The following XXYLT1 variants were observed in gnomAD, a reference collection of about 807,000 sequenced individuals.
The protein encoded by XXYLT1 is xyloside xylosyltransferase 1.
In XXYLT1, 20 loss-of-function variants were observed where a neutral mutation model predicts 28.9. The ratio of observed to expected loss-of-function variants is 0.69; its 90% CI spans 0.49 to 1.00. XXYLT1 has a LOEUF of 1.00. Among genes scored for constraint, XXYLT1 ranks in the 50% least tolerant of loss-of-function variants. The pLI is 0.00. For missense variants in XXYLT1, 542 were observed against 560.1 expected, an observed-to-expected ratio of 0.97 and a Z score of 0.33; for synonymous variants, 257 against 253.8, an observed-to-expected ratio of 1.01 and a Z score of -0.12.
intron 1 of XXYLT1, chr3:195,259,750 T>C (rs1001369219): frequency 1.1e-6 from 1 of 874,104 alleles, no homozygotes; most frequent in African/African-American, 1.8e-5. Flanking sequence ...TCGGGTCTTT[T>C]GCCAAATTCC....
chr3:195,260,820 G>A (rs1339236441), intron 1 of XXYLT1, among the ~76,000 whole-genome samples: 3 of 152,212 alleles, frequency 2.0e-5, no homozygotes, highest in Non-Finnish European at 2.9e-5. Flanking sequence ...TTCCTGTTCC[G>A]ATGTTTGGCG....
chr3:195,136,025 C>T (rs1471741448), intron 3 of XXYLT1, among the ~76,000 whole-genome samples: 4 of 152,144 alleles, frequency 2.6e-5, no homozygotes, highest in Non-Finnish European at 4.4e-5. Context: ...TGAGATTTCC[C>T]AATGATCAGA....
chr3:195,166,966 C>A (rs990505415), intron 2 of XXYLT1, among the ~76,000 whole-genome samples: 4 of 151,660 alleles, frequency 2.6e-5, no homozygotes, highest in Admixed American at 1.3e-4. Context: ...CGTGAGCCAC[C>A]GCGCCCGGCC....
chr3:195,196,431 G>A (rs1199703591), intron 2 of XXYLT1, among the ~76,000 whole-genome samples: 1 of 152,112 alleles, frequency 6.6e-6, no homozygotes, highest in African/African-American at 2.4e-5. Context: ...ATCACTACTG[G>A]GCCAACAACC....
At chr3:195,169,417 A>C (rs10933701) in intron 2 of XXYLT1, among the ~76,000 whole-genome samples, 2 of 152,176 alleles carry the variant, frequency 1.3e-5, no homozygotes, top group African/African-American at 2.4e-5. Context: ...GCCCAGACTC[A>C]GGGAGAGGGA....
chr3:195,197,774 C>T (rs778614398), intron 2 of XXYLT1, among the ~76,000 whole-genome samples: 13 of 152,350 alleles, frequency 8.5e-5, no homozygotes, highest in Non-Finnish European at 1.9e-4. Context: ...CCTCATCCTA[C>T]TGACCTGCCA....
chr3:195,269,736 C>G (rs1725955915), intron 1 of XXYLT1, among the ~76,000 whole-genome samples: 1 of 152,238 alleles, frequency 6.6e-6, no homozygotes, highest in Non-Finnish European at 1.5e-5. Context: ...TCCTTAAAAT[C>G]TGGCCTCGGA....
At chr3:195,234,209 G>A (rs184881044) in intron 1 of XXYLT1, among the ~76,000 whole-genome samples, 185 of 150,728 alleles carry the variant, frequency 1.2e-3, no homozygotes, top group Non-Finnish European at 2.2e-3. Flanking sequence ...GAGCCACTGC[G>A]TCTGGCCAGC....
In XXYLT1 at chr3:195,103,412, C is replaced by CACACCAGCGGCCTGCGTCCATCACCT. The variant is rs1560095896; in HGVS notation, c.786-33302_786-33301insAGGTGATGGACGCAGGCCGCTGGTGT. On this transcript the variant is annotated intron_variant, in intron 3 of 3. Coordinates refer to ENST00000310380, the MANE Select transcript of XXYLT1 (RefSeq NM_152531.5). Reference sequence around the variant, plus strand: ...ACGCCAGCGGCCTGCGTCCATCACCCCACGCCAGCGGCCTGCGTCCATCAC... The same window carrying CACACCAGCGGCCTGCGTCCATCACCT: ...ACGCCAGCGGCCTGCGTCCATCACCCACACCAGCGGCCTGCGTCCATCACCTCACGCCAGCGGCCTGCGTCCATCAC... Among the ~76,000 whole-genome samples the CACACCAGCGGCCTGCGTCCATCACCT allele has an allele frequency of 8.4e-3, 1,251 of 148,742 alleles. 32 individuals carry two copies. Among genetic ancestry groups the CACACCAGCGGCCTGCGTCCATCACCT allele is most frequent in the African/African-American group, 0.03 (1,144 of 38,610 alleles).
At position 195,226,781 on chromosome 3, in the gene XXYLT1, C is replaced by G. The variant is rs1489564436; in HGVS notation, c.580G>C (p.Ala194Pro). The change falls in exon 2 of 4, where the codon GCT becomes CCT. Residue 194 changes from alanine (A) to proline (P), a missense_variant. Ala to Pro is a conservative substitution (Grantham distance 27). Transcript: ENST00000310380. ...IVEAMQKHFS[A>P]GLGTYYSDSI... The stretch of plus-strand genomic sequence containing the variant: ...TCACTGTAGTAGGTTCCCAAGCCAG[C>G]ACTGAAGTGCTTCTGCATGGCCTCC... 6 of 1,613,708 alleles carry G rather than the reference C, an allele frequency of 3.7e-6. No individual in the cohort carries two copies. Among genetic ancestry groups the G allele is most frequent in the Non-Finnish European group, 5.1e-6 (6 of 1,180,006 alleles).
intron 2 of XXYLT1, among the ~76,000 whole-genome samples, chr3:195,211,438 G>A (rs1723307442): frequency 6.6e-6 from 1 of 152,184 alleles, no homozygotes; most frequent in Admixed American, 6.5e-5. Context: ...CTGGCAGACT[G>A]AGGGGACCCC....
chr3:195,071,493 C>T (rs1348001431), intron 3 of XXYLT1, among the ~76,000 whole-genome samples: 3 of 152,142 alleles, frequency 2.0e-5, no homozygotes, highest in Middle Eastern at 3.2e-3. Flanking sequence ...CTGATCCTGG[C>T]GAGGGGGAAG....
chr3:195,222,733 G>A (rs1226847475), intron 2 of XXYLT1, among the ~76,000 whole-genome samples: 2 of 152,078 alleles, frequency 1.3e-5, no homozygotes, highest in Admixed American at 6.6e-5. Flanking sequence ...CACAGAAAAT[G>A]GGGACGTGAG....
chr3:195,149,694 A>G (rs1720083594), intron 3 of XXYLT1, among the ~76,000 whole-genome samples: 1 of 152,106 alleles, frequency 6.6e-6, no homozygotes, highest in East Asian at 1.9e-4. Flanking sequence ...ATTCTCTGGG[A>G]TATTAAAATG....
chr3:195,116,612 T>C (rs1718055681), intron 3 of XXYLT1, among the ~76,000 whole-genome samples: 1 of 152,164 alleles, frequency 6.6e-6, no homozygotes, highest in Admixed American at 6.5e-5. Context: ...GGCTTGCAAC[T>C]CTATTTCCTG....
intron 3 of XXYLT1, among the ~76,000 whole-genome samples, chr3:195,080,089 G>A (rs903452446): frequency 5.9e-5 from 9 of 152,168 alleles, no homozygotes; most frequent in South Asian, 2.1e-4. Flanking sequence ...TGGCACAACC[G>A]TTCAGAAAGG....
intron 3 of XXYLT1, among the ~76,000 whole-genome samples, chr3:195,102,977 T>C (rs1312342337): frequency 6.6e-6 from 1 of 152,210 alleles, no homozygotes; most frequent in Non-Finnish European, 1.5e-5. Context: ...TCGCCAACAG[T>C]GGCTATCTCT....
In XXYLT1 at chr3:195,156,434, G is replaced by A. The variant is rs1198649994; in HGVS notation, c.785+15C>T. On this transcript the variant is annotated intron_variant, in intron 3 of 3. Transcript: ENST00000310380. ...GAGGGGTCGTGGAGGCGGCCCCCCT[G>A]CAGTCATGACGCACCTGTAAACTGG... The A allele has an allele frequency of 3.1e-6, 5 of 1,612,278 alleles. No homozygotes were observed. The highest frequency in any genetic ancestry group is 4.2e-6 in the Non-Finnish European group (5 of 1,179,414).
At chr3:195,225,214 C>T (rs1434648337) in intron 2 of XXYLT1, among the ~76,000 whole-genome samples, 6 of 152,226 alleles carry the variant, frequency 3.9e-5, no homozygotes, top group Non-Finnish European at 7.3e-5. Context: ...TAGATCTTCA[C>T]CCTAGGCCCT....
Sources: allele counts gnomAD v4.1 joint callset (sites outside exome capture counted in the v4.1 genomes callset), GRCh38; gene constraint gnomAD v4.1.1; transcripts MANE v1.5; gene names NCBI Gene and HGNC (gene_info 2026-07-23, HGNC 2026-07-21).